IL18RAP: variants seen among roughly 807,000 people sequenced by gnomAD.
The protein encoded by IL18RAP is interleukin 18 receptor accessory protein, also known as interleukin-18 receptor accessory protein.
A neutral mutation model predicts 58.1 loss-of-function variants in IL18RAP; 37 were observed. That is an observed-to-expected ratio of 0.64 (90% CI 0.49 to 0.84). The LOEUF is 0.84. Ranked by LOEUF, IL18RAP falls within the 40% of genes least tolerant of loss-of-function variation. The pLI, the probability that IL18RAP is intolerant of heterozygous loss-of-function variation, is 0.00. For synonymous variants in IL18RAP, 268 were observed against 257.5 expected (o/e 1.04, Z -0.39); for missense variants, 667 against 704.8 (o/e 0.95, Z 0.61).
chr2:102,447,699 C>G (rs948870066), intron 8 of IL18RAP, among the ~76,000 whole-genome samples: 1 of 139,294 alleles, frequency 7.2e-6, no homozygotes, highest in Non-Finnish European at 1.6e-5. Context: ...ATTTAGTATT[C>G]ATTCATTTAT....
chr2:102,430,183 A>G (rs986142932), intron 3 of IL18RAP, among the ~76,000 whole-genome samples: 5 of 151,982 alleles, frequency 3.3e-5, no homozygotes, highest in African/African-American at 1.2e-4. Context: ...CTATTATTGT[A>G]TTGCAGTCTA....
chr2:102,450,832 T>C lies in IL18RAP; in HGVS notation c.1211-16T>C. On this transcript the variant is annotated splice_polypyrimidine_tract_variant and intron_variant, in intron 8 of 9. Coordinates refer to ENST00000687160, the MANE Select transcript of IL18RAP (RefSeq NM_001393487.1). ...AGTAAATGACTTATGTTTTTATAAATTTTCCTATTCTTCAGATAAAAAGGA... is the reference window on the plus strand; with the variant it reads ...AGTAAATGACTTATGTTTTTATAAACTTTCCTATTCTTCAGATAAAAAGGA... The C allele has an allele frequency of 6.5e-7, 1 of 1,539,966 alleles. No homozygotes were observed.
rs772088276 is a variant in IL18RAP, at chr2:102,451,857, T to C, written c.1476T>C (p.Phe492=). The C allele has an allele frequency of 1.9e-6, 3 of 1,614,210 alleles. No individual in the cohort carries two copies. The highest frequency in any genetic ancestry group is 2.5e-6 in the Non-Finnish European group (3 of 1,180,016). ...SPNYVNGPSI[F]ELQAAVNLAL... ...ACTATGTCAATGGACCCAGTATCTT[T>C]GAACTACAAGCAGCAGTGAATCTTG... Residue 492 remains phenylalanine, a synonymous_variant, in exon 10 of 10, where the codon TTT becomes TTC. Transcript: ENST00000687160.
chr2:102,447,185 G>A lies in IL18RAP; in HGVS notation c.1188G>A (p.Gln396=). 2 of 1,613,956 alleles carry A rather than the reference G, an allele frequency of 1.2e-6. No individual in the cohort carries two copies. Among genetic ancestry groups the A allele is most frequent in the Admixed American group, 3.3e-5 (2 of 60,016 alleles). ...IEIVLLYRTY[Q]SKDQTLGDKK... is the part of the protein sequence containing the mutation. ...TAGTGCTGCTGTACCGGACCTACCA[G>A]AGCAAGGATCAGACGCTTGGGGGTA... Residue 396 remains glutamine, a synonymous_variant, in exon 8 of 10, where the codon CAG becomes CAA. Transcript: ENST00000687160.
chr2:102,440,090 A>C (rs1183601306), intron 4 of IL18RAP: 1 of 152,326 alleles, frequency 6.6e-6, no homozygotes, highest in Non-Finnish European at 1.5e-5. Context: ...ATGATGTAGG[A>C]AAGACATAAC....
intron 3 of IL18RAP, chr2:102,434,892 T>C (rs762132335): frequency 6.6e-5 from 10 of 152,202 alleles, no homozygotes; most frequent in Admixed American, 2.0e-4. Flanking sequence ...CACTTCCTTT[T>C]CTAAGGGTTC....
intron 3 of IL18RAP, among the ~76,000 whole-genome samples, chr2:102,431,844 A>T (rs2104323953): frequency 6.6e-6 from 1 of 151,936 alleles, no homozygotes; most frequent in African/African-American, 2.4e-5. Context: ...AATTTATTTT[A>T]TTTTTATACA....
intron 5 of IL18RAP, among the ~76,000 whole-genome samples, chr2:102,441,851 G>T (rs1277856533): frequency 6.6e-6 from 1 of 151,794 alleles, no homozygotes; most frequent in Non-Finnish European, 1.5e-5. Flanking sequence ...TCGAGCCATT[G>T]CACTCCATCC....
At chr2:102,421,175 G>C (rs1681552371), upstream of IL18RAP, among the ~76,000 whole-genome samples, 1 of 150,644 alleles carries the variant, frequency 6.6e-6, no homozygotes, top group African/African-American at 2.4e-5. Context: ...TTATATTCTA[G>C]TTGGGGAGAA....
chr2:102,423,240 T>A lies in IL18RAP; in HGVS notation c.-38T>A, dbSNP rs765541991. The A allele has an allele frequency of 1.9e-6, 3 of 1,589,100 alleles. No homozygotes were observed. In the South Asian group the frequency reaches 3.3e-5, roughly 18 times the overall value. ...AAAACACTCTACTCTGGCAAAGGAATGAAGTTATTGGAGTGATGACAGGAA... is the reference window on the plus strand; with the variant it reads ...AAAACACTCTACTCTGGCAAAGGAAAGAAGTTATTGGAGTGATGACAGGAA... On this transcript the variant is annotated 5_prime_UTR_variant, in exon 1 of 10. It removes an upstream start codon present in the reference 5' UTR. Coordinates refer to ENST00000687160, the MANE Select transcript of IL18RAP (RefSeq NM_001393487.1).
chr2:102,433,584 C>T (rs1216946926), intron 3 of IL18RAP, among the ~76,000 whole-genome samples: 1 of 151,466 alleles, frequency 6.6e-6, no homozygotes, highest in Non-Finnish European at 1.5e-5. Context: ...GGCTAGAGCG[C>T]ATCTAGCTCA....
At chr2:102,440,372 C>T (rs1683026691) in intron 4 of IL18RAP, 1 of 152,130 alleles carries the variant, frequency 6.6e-6, no homozygotes, top group South Asian at 2.1e-4. Flanking sequence ...GTGATTATGC[C>T]CAATGGATTT....
rs11401010 is a variant in IL18RAP at position 102,423,226 on chromosome 2, C to T, written c.-52C>T. Reference sequence around the variant, plus strand: ...GAGTTCTGAATCTCAAAACACTCTACTCTGGCAAAGGAATGAAGTTATTGG... The same window carrying T: ...GAGTTCTGAATCTCAAAACACTCTATTCTGGCAAAGGAATGAAGTTATTGG... On this transcript the variant is annotated 5_prime_UTR_variant, in exon 1 of 10. Transcript: ENST00000687160. 6.5e-7 allele frequency: 1 copy of T among 1,543,334 alleles called. No homozygotes were observed. The highest frequency in any genetic ancestry group is 9.0e-7 in the Non-Finnish European group (1 of 1,115,760).
upstream of IL18RAP, among the ~76,000 whole-genome samples, chr2:102,422,063 C>G (rs565931532): frequency 6.2e-4 from 95 of 152,288 alleles, no homozygotes; most frequent in African/African-American, 2.1e-3. Context: ...CATGCAGACT[C>G]TAGCAGGCGT....
intron 9 of IL18RAP, among the ~76,000 whole-genome samples, chr2:102,451,253 A>G (rs1369500218): frequency 1.3e-5 from 2 of 152,222 alleles, no homozygotes; most frequent in African/African-American, 2.4e-5. Context: ...TCCTTCTAGG[A>G]CAAAGATACC....
At chr2:102,419,886 C>T (rs1558630791), upstream of IL18RAP, 1 of 152,196 alleles carries the variant, frequency 6.6e-6, no homozygotes, top group African/African-American at 2.4e-5. Context: ...GACAGCACCC[C>T]GCTTCACTTT....
upstream of IL18RAP, chr2:102,423,080 G>T: frequency 1.6e-6 from 1 of 606,450 alleles, no homozygotes; most frequent in Non-Finnish European, 3.0e-6. Flanking sequence ...GCAAGTGAAG[G>T]CCGGTTTGGG....
upstream of IL18RAP, chr2:102,423,101 C>A (rs1573258158): frequency 1.5e-6 from 1 of 666,684 alleles, no homozygotes; most frequent in East Asian, 2.6e-5. Context: ...TAGGACCTGC[C>A]CTTTCAAAGC....
upstream of IL18RAP, among the ~76,000 whole-genome samples, chr2:102,422,032 C>T (rs1274717950): frequency 1.3e-5 from 2 of 151,704 alleles, no homozygotes; most frequent in African/African-American, 2.4e-5. Flanking sequence ...TGAGCAAACA[C>T]TTCCTCCTGT....
Sources: allele counts gnomAD v4.1 joint callset (sites outside exome capture counted in the v4.1 genomes callset), GRCh38; gene constraint gnomAD v4.1.1; transcripts MANE v1.5; gene names NCBI Gene and HGNC (gene_info 2026-07-23, HGNC 2026-07-21).